Variants in DNAAF11 observed in about 807,000 individuals in gnomAD.
The protein encoded by DNAAF11 is leucine rich repeat containing 6.
A neutral mutation model predicts 60.8 loss-of-function variants in DNAAF11; 45 were observed. The observed-to-expected ratio is 0.74, with a 90% CI of 0.58 to 0.95. The LOEUF is 0.95. Ranked by LOEUF, DNAAF11 falls within the 40% of genes least tolerant of loss-of-function variation. The pLI is 0.00. For synonymous variants in DNAAF11, 191 were observed against 183.5 expected (o/e 1.04, Z -0.33); for missense variants, 546 against 546.2 (o/e 1.00, Z 0.00).
At chr8:132,611,267 T>C (rs998988436) in intron 9 of DNAAF11, 27 bp downstream of exon 9, 1 of 1,539,690 alleles carries the variant, frequency 6.5e-7, no homozygotes, top group Non-Finnish European at 9.0e-7. Flanking sequence ...CTTTTGAAAT[T>C]GTAATAGCCT....
intron 10 of DNAAF11, among the ~76,000 whole-genome samples, chr8:132,609,719 G>C (rs942393873): frequency 3.3e-5 from 5 of 152,102 alleles, no homozygotes; most frequent in African/African-American, 1.2e-4. Flanking sequence ...GGACAGAATT[G>C]ACACATCAGA....
chr8:132,640,481 T>C (rs1821746548), intron 3 of DNAAF11, among the ~76,000 whole-genome samples: 1 of 152,202 alleles, frequency 6.6e-6, no homozygotes, highest in African/African-American at 2.4e-5. Context: ...ATTCTCCCTA[T>C]TTCCTCTTAT....
At chr8:132,651,649 T>C (rs747902564) in intron 3 of DNAAF11, among the ~76,000 whole-genome samples, 1 of 152,142 alleles carries the variant, frequency 6.6e-6, no homozygotes, top group Non-Finnish European at 1.5e-5. Context: ...TAGTGGTACA[T>C]AAATAAAACA....
chr8:132,631,670 T>A lies in DNAAF11; in HGVS notation c.653+1070A>T, dbSNP rs536467744. Among the ~76,000 whole-genome samples the A allele has an allele frequency of 2.6e-5, 4 of 152,228 alleles. No individual in the cohort carries two copies. In the South Asian group the frequency reaches 8.3e-4, roughly 32 times the overall value. On this transcript the variant is annotated intron_variant, in intron 5 of 11. Transcript: ENST00000620350. ...CACTGGGATGAAGAGAGGCATGGGATGAAGGGGAAGTCTTTAAGGAGTGTC... is the reference window on the plus strand; with the variant it reads ...CACTGGGATGAAGAGAGGCATGGGAAGAAGGGGAAGTCTTTAAGGAGTGTC...
intron 10 of DNAAF11, among the ~76,000 whole-genome samples, chr8:132,600,685 A>G (rs1331597374): frequency 8.5e-5 from 13 of 152,328 alleles, no homozygotes; most frequent in East Asian, 1.9e-4. Context: ...AGGATTCCCT[A>G]TTTAATAAAT....
chr8:132,657,047 A>G lies in DNAAF11; in HGVS notation c.179-140T>C, dbSNP rs1263192900. The G allele has an allele frequency of 7.9e-5, 37 of 465,830 alleles. 1 individual carries two copies. The Admixed American group carries it at 1.6e-3, about 20-fold the overall frequency. The allele number at this position is 465,830 out of a possible 1,614,324, so 28.9% of individuals were successfully genotyped here. On this transcript the variant is annotated intron_variant, in intron 2 of 11. Coordinates refer to ENST00000620350, the MANE Select transcript of DNAAF11 (RefSeq NM_012472.6). ...AACCATGTCACTTTTCCAAATCTAT[A>G]CCTGTACATCAGACACGGTGGCTGC...
chr8:132,612,750 C>T (rs1163912475), intron 8 of DNAAF11, among the ~76,000 whole-genome samples: 3 of 152,116 alleles, frequency 2.0e-5, no homozygotes, highest in Non-Finnish European at 2.9e-5. Flanking sequence ...AGGAAGCAGG[C>T]GTGAACGAAT....
chr8:132,687,536 A>C, the DNAAF11 span: 12 of 452,120 alleles, frequency 2.7e-5, no homozygotes, highest in Non-Finnish European at 1.3e-5. Context: ...AGACAGCTGT[A>C]ACAGGTTCCG....
intron 3 of DNAAF11, among the ~76,000 whole-genome samples, chr8:132,652,207 G>A (rs973844184): frequency 2.6e-5 from 4 of 152,136 alleles, no homozygotes; most frequent in African/African-American, 4.8e-5. Context: ...TAGTCAGCAC[G>A]CCCCACCCAC....
chr8:132,614,180 C>G (rs917319172), intron 8 of DNAAF11, among the ~76,000 whole-genome samples: 1 of 152,100 alleles, frequency 6.6e-6, no homozygotes, highest in African/African-American at 2.4e-5. Context: ...GGGGTAGGTA[C>G]TGCTTTATGT....
chr8:132,657,431 G>A (rs1278350107), intron 2 of DNAAF11, among the ~76,000 whole-genome samples: 2 of 152,170 alleles, frequency 1.3e-5, no homozygotes, highest in Non-Finnish European at 2.9e-5. Flanking sequence ...AACAGCTGCA[G>A]GACAAAGCCT....
chr8:132,582,619 A>G (rs1815453429), intron 11 of DNAAF11, among the ~76,000 whole-genome samples: 1 of 152,128 alleles, frequency 6.6e-6, no homozygotes. Flanking sequence ...ACAGCAACCC[A>G]TTTTTCGGTA....
upstream of DNAAF11, among the ~76,000 whole-genome samples, chr8:132,680,208 G>A (rs6471090): frequency 0.19 from 28,239 of 152,156 alleles, 7,342 homozygotes; most frequent in African/African-American, 0.59. Context: ...ACTCAAAGTG[G>A]ATGAAAGAGT....
At chr8:132,614,951 A>C (rs1197990459) in intron 8 of DNAAF11, 87 bp downstream of exon 8, 5 of 792,442 alleles carry the variant, frequency 6.3e-6, no homozygotes, top group Non-Finnish European at 1.1e-5. Context: ...AGTCAATTCC[A>C]TTTCAATTTT....
intron 3 of DNAAF11, among the ~76,000 whole-genome samples, chr8:132,639,578 A>G (rs1030881571): frequency 1.3e-5 from 2 of 152,190 alleles, no homozygotes; most frequent in East Asian, 3.8e-4. Flanking sequence ...GGTTTCCTCA[A>G]TTCTGAAGGC....
chr8:132,605,716 G>T (rs1335147105), intron 10 of DNAAF11, among the ~76,000 whole-genome samples: 5 of 152,174 alleles, frequency 3.3e-5, no homozygotes, highest in African/African-American at 9.7e-5. Flanking sequence ...GTTGGGAGGA[G>T]ATGTTTTGTA....
At chr8:132,626,866 G>C (rs947066315) in intron 5 of DNAAF11, among the ~76,000 whole-genome samples, 4 of 152,100 alleles carry the variant, frequency 2.6e-5, no homozygotes, top group Non-Finnish European at 1.5e-5. Context: ...TCAAACTAAA[G>C]ATATTTTCTT....
In DNAAF11 at chr8:132,611,357, C is replaced by G; in HGVS notation, c.981G>C (p.Met327Ile). The change falls in exon 9 of 12, where the codon ATG (methionine) becomes ATC (isoleucine). Residue 327 changes from methionine (M) to isoleucine (I), a missense_variant. By Grantham distance (10) the Met-to-Ile change is conservative. Transcript: ENST00000620350. ...IILDLAVYRY[M>I]DTSLIDVDVQ... ...CATCAACATCGATTAAAGAGGTATC[C>G]ATATACCTTCAAAATTAAACACAGA... 7 of 1,581,724 alleles carry G rather than the reference C, an allele frequency of 4.4e-6. No homozygotes were observed. The highest frequency in any genetic ancestry group is 6.1e-6 in the Non-Finnish European group (7 of 1,153,130).
At chr8:132,644,993 C>T (rs1822232919) in intron 3 of DNAAF11, among the ~76,000 whole-genome samples, 1 of 152,118 alleles carries the variant, frequency 6.6e-6, no homozygotes, top group African/African-American at 2.4e-5. Context: ...AGTGGTCCTC[C>T]CAGCATGGAG....
Sources: gnomAD v4.1 joint callset for allele counts (sites outside exome capture counted in the v4.1 genomes callset) on GRCh38, gnomAD v4.1.1 for gene constraint, MANE v1.5 for transcripts, NCBI Gene and HGNC (gene_info 2026-07-23, HGNC 2026-07-21) for gene names.